The following GAD2 variants were observed in gnomAD, a reference collection of about 807,000 sequenced individuals.
GAD2 encodes the protein glutamate decarboxylase 2.
Under a neutral mutation model 80.1 loss-of-function variants are expected in GAD2, and 22 were observed. That is an observed-to-expected ratio of 0.27 (90% CI 0.20 to 0.39). The LOEUF (loss-of-function observed/expected upper bound fraction) is 0.39, where lower values mean the gene tolerates loss of function less well. Among genes scored for constraint, GAD2 ranks in the 10% least tolerant of loss-of-function variants. The pLI is 1.00. For missense variants in GAD2, 624 were observed against 738.4 expected, an observed-to-expected ratio of 0.85 and a Z score of 1.80; for synonymous variants, 274 against 256.9, an observed-to-expected ratio of 1.07 and a Z score of -0.64.
chr10:26,239,102 C>A (rs192042741), intron 7 of GAD2, among the ~76,000 whole-genome samples: 73 of 152,306 alleles, frequency 4.8e-4, no homozygotes, highest in African/African-American at 1.7e-3. Context: ...CCATTCCCCA[C>A]ACACCCACTA....
At chr10:26,256,692 T>C (rs1844947190) in intron 8 of GAD2, among the ~76,000 whole-genome samples, 1 of 152,238 alleles carries the variant, frequency 6.6e-6, no homozygotes, top group Non-Finnish European at 1.5e-5. Flanking sequence ...AGGTGAAGTT[T>C]GGCTTTCTTG....
chr10:26,277,516 C>T (rs987500728), intron 11 of GAD2, among the ~76,000 whole-genome samples: 3 of 152,184 alleles, frequency 2.0e-5, no homozygotes, highest in Non-Finnish European at 4.4e-5. Context: ...GTGATCTCAC[C>T]TGTGTTCTGG....
Position 26,301,073 on chromosome 10 carries a change from T to A in GAD2, c.*112T>A. The A allele has an allele frequency of 1.1e-6, 1 of 934,200 alleles. No homozygotes were observed. Among genetic ancestry groups the A allele is most frequent in the Non-Finnish European group, 1.6e-6 (1 of 617,020 alleles). The allele number at this position is 934,200 out of a possible 1,614,324, so 57.9% of individuals were successfully genotyped here. A position where few individuals can be genotyped will look rare whatever the true frequency, so the allele number is the denominator to read the frequency against. ...AAGTAAATCTATTTCTATATTGTGG[T>A]GTCAAAGTAGAGTTTAAAAATTAAA... On this transcript the variant is annotated 3_prime_UTR_variant, in exon 16 of 16. Transcript: ENST00000376261.
At position 26,247,947 on chromosome 10, in the gene GAD2, A is replaced by G. The variant is rs183943283; in HGVS notation, c.920+1947A>G. Among the ~76,000 whole-genome samples, 39 of 151,780 alleles carry G rather than the reference A, an allele frequency of 2.6e-4. No homozygotes were observed. The East Asian group carries it at 4.8e-3, about 19-fold the overall frequency. On this transcript the variant is annotated intron_variant, in intron 8 of 15. Transcript: ENST00000376261. ...AAAAAAAAAAGAAAGCTCTAAAAATAAGCCATGTTTACCTCTGTTAGCGAA... is the reference window on the plus strand; with the variant it reads ...AAAAAAAAAAGAAAGCTCTAAAAATGAGCCATGTTTACCTCTGTTAGCGAA...
rs1185138240 is a variant in GAD2 at position 26,216,845 on chromosome 10, G to T, written c.36G>T (p.Gly12=). The change falls in exon 1 of 16, where the codon GGG becomes GGT. Residue 12 remains glycine, a synonymous_variant. Transcript: ENST00000376261. The surrounding 1 kb of genome is among the most constrained non-coding windows in gnomAD (Gnocchi z 4.7). ...ASPGSGFWSF[G]SEDGSGDSEN... is the part of the protein sequence containing the mutation. Reference sequence around the variant, plus strand: ...CGGGCTCTGGCTTTTGGTCTTTCGGGTCGGAAGATGGCTCTGGGGATTCCG... The same window carrying T: ...CGGGCTCTGGCTTTTGGTCTTTCGGTTCGGAAGATGGCTCTGGGGATTCCG... The T allele has an allele frequency of 6.2e-7, 1 of 1,612,612 alleles. No individual in the cohort carries two copies. Among genetic ancestry groups the T allele is most frequent in the African/African-American group, 1.3e-5 (1 of 74,726 alleles).
chr10:26,289,166 C>G (rs1009738623), intron 13 of GAD2, among the ~76,000 whole-genome samples: 1 of 152,028 alleles, frequency 6.6e-6, no homozygotes, highest in Non-Finnish European at 1.5e-5. Flanking sequence ...AAATTGTACT[C>G]TCACAGCAAA....
chr10:26,217,492 G>A lies in GAD2; in HGVS notation c.77-118G>A. 9.2e-7 allele frequency: 1 copy of A among 1,084,504 alleles called. No individual in the cohort carries two copies. The highest frequency in any genetic ancestry group is 1.4e-6 in the Non-Finnish European group (1 of 726,152). The allele number at this position is 1,084,504 out of a possible 1,614,324, so 67.2% of individuals were successfully genotyped here. ...ACCGAGTCCTGAGCGGCCCCCAGGA[G>A]GAAGGCGGCCCCTCCTAGGACCCCG... On this transcript the variant is annotated intron_variant, in intron 1 of 15. Coordinates refer to ENST00000376261, the MANE Select transcript of GAD2 (RefSeq NM_001134366.2). The surrounding 1 kb of genome is among the most constrained non-coding windows in gnomAD (Gnocchi z 4.9).
At position 26,217,525 on chromosome 10, in the gene GAD2, T is replaced by G. The variant is rs1844391183; in HGVS notation, c.77-85T>G. 1.4e-6 allele frequency: 2 copies of G among 1,425,544 alleles called. No individual in the cohort carries two copies. The highest frequency in any genetic ancestry group is 1.9e-6 in the Non-Finnish European group (2 of 1,031,282). The allele number at this position is 1,425,544 out of a possible 1,614,324, so 88.3% of individuals were successfully genotyped here. A position where few individuals can be genotyped will look rare whatever the true frequency, so the allele number is the denominator to read the frequency against. ...GCCCCTCCTAGGACCCCGGACTGAT[T>G]GATTTTCACATAGAACGAAATTTCA... On this transcript the variant is annotated intron_variant, in intron 1 of 15. Transcript: ENST00000376261. The surrounding 1 kb of genome is among the most constrained non-coding windows in gnomAD (Gnocchi z 4.9).
chr10:26,267,503 T>C (rs548784298), intron 8 of GAD2, among the ~76,000 whole-genome samples: 172 of 152,264 alleles, frequency 1.1e-3, no homozygotes, highest in South Asian at 9.1e-3. Context: ...CACATCACCC[T>C]CCCTTCCCTC....
At chr10:26,254,214 T>C (rs1844917295) in intron 8 of GAD2, among the ~76,000 whole-genome samples, 1 of 152,122 alleles carries the variant, frequency 6.6e-6, no homozygotes, top group South Asian at 2.1e-4. Context: ...TTTTTTTATT[T>C]TTAGTGGAGA....
chr10:26,298,869 G>A (rs544709931), intron 15 of GAD2, among the ~76,000 whole-genome samples: 14 of 152,308 alleles, frequency 9.2e-5, no homozygotes, highest in East Asian at 1.9e-4. Context: ...GAATATGCTA[G>A]TAGATCTATT....
At position 26,273,708 on chromosome 10, in the gene GAD2, G is replaced by A; in HGVS notation, c.1157+8G>A. The A allele has an allele frequency of 6.2e-7, 1 of 1,611,010 alleles. No homozygotes were observed. Among genetic ancestry groups the A allele is most frequent in the Non-Finnish European group, 8.5e-7 (1 of 1,177,920 alleles). On this transcript the variant is annotated splice_region_variant and intron_variant, in intron 11 of 15. Coordinates refer to ENST00000376261, the MANE Select transcript of GAD2 (RefSeq NM_001134366.2). ...ACTGAGTGGCGTGGAGAGGTATGTTGCATTTTTCTTATTAACAACATAAAG... is the reference window on the plus strand; with the variant it reads ...ACTGAGTGGCGTGGAGAGGTATGTTACATTTTTCTTATTAACAACATAAAG...
intron 12 of GAD2, 146 bp downstream of exon 12, chr10:26,281,233 T>C: frequency 1.8e-6 from 1 of 557,074 alleles, no homozygotes; most frequent in Non-Finnish European, 3.2e-6. Flanking sequence ...TAGATTCCTG[T>C]CTGCAGGGTG....
chr10:26,263,383 G>C (rs552297683), intron 8 of GAD2, among the ~76,000 whole-genome samples: 1 of 152,178 alleles, frequency 6.6e-6, no homozygotes, highest in South Asian at 2.1e-4. Flanking sequence ...GCCTGGTTTT[G>C]TAATACAAGT....
intron 8 of GAD2, among the ~76,000 whole-genome samples, chr10:26,253,899 T>A (rs963492880): frequency 1.4e-4 from 22 of 151,820 alleles, no homozygotes; most frequent in Non-Finnish European, 2.9e-4. Flanking sequence ...CACCAGGGAC[T>A]GGTCTCATGG....
chr10:26,226,686 C>T (rs973769373), intron 6 of GAD2, among the ~76,000 whole-genome samples: 1 of 152,200 alleles, frequency 6.6e-6, no homozygotes, highest in South Asian at 2.1e-4. Flanking sequence ...CTAAAAGTCT[C>T]ATTCCCTGGG....
chr10:26,263,440 G>A (rs901216550), intron 8 of GAD2, among the ~76,000 whole-genome samples: 5 of 152,116 alleles, frequency 3.3e-5, no homozygotes, highest in Non-Finnish European at 2.9e-5. Context: ...ATTTATCTTA[G>A]GGGCCTAAGA....
chr10:26,232,023 A>T (rs1372780903), intron 7 of GAD2, among the ~76,000 whole-genome samples: 2 of 152,206 alleles, frequency 1.3e-5, no homozygotes, highest in Non-Finnish European at 2.9e-5. Context: ...GGTGTTGAAG[A>T]TGAGGATGTG....
At chr10:26,250,433 G>A (rs1169304425) in intron 8 of GAD2, among the ~76,000 whole-genome samples, 1 of 152,178 alleles carries the variant, frequency 6.6e-6, no homozygotes, top group East Asian at 1.9e-4. Flanking sequence ...GAGAGACAGA[G>A]GGAAATGGGC....
Sources: allele counts gnomAD v4.1 joint callset (sites outside exome capture counted in the v4.1 genomes callset), GRCh38; gene constraint gnomAD v4.1.1; non-coding constraint Gnocchi (gnomAD v3.1); transcripts MANE v1.5; gene names NCBI Gene and HGNC (gene_info 2026-07-23, HGNC 2026-07-21).